TBL1X: variants seen among roughly 807,000 people sequenced by gnomAD.
TBL1X encodes the protein F-box-like/WD repeat-containing protein TBL1X.
A neutral mutation model predicts 50.7 loss-of-function variants in TBL1X; 10 were observed. The ratio of observed to expected loss-of-function variants is 0.20; its 90% confidence interval spans 0.12 to 0.33. TBL1X has a LOEUF of 0.33. TBL1X is among the 10% of genes least tolerant of loss of function. The probability of loss-of-function intolerance (pLI) is 1.00; values close to 1 mark genes in which losing one functional copy is unlikely to be tolerated. For synonymous variants in TBL1X, 190 were observed against 214.7 expected (o/e 0.88, Z 1.01); for missense variants, 340 against 504.4 (o/e 0.67, Z 3.12).
chrX:9,502,835 G>A (rs990800731), intron 2 of TBL1X, among the ~76,000 whole-genome samples: 1 of 112,145 alleles, frequency 8.9e-6, no homozygotes, highest in African/African-American at 3.2e-5. Context: ...CAGCAACAAG[G>A]TGCCATGTTG....
chrX:9,600,473 G>T (rs1200916496), intron 2 of TBL1X, among the ~76,000 whole-genome samples: 1 of 79,623 alleles, frequency 1.3e-5, no homozygotes, highest in Non-Finnish European at 2.3e-5. Flanking sequence ...GGTGGGCGGG[G>T]GGGGGGGTAC....
intron 1 of TBL1X, among the ~76,000 whole-genome samples, chrX:9,493,702 A>C (rs939485647): frequency 9.0e-6 from 1 of 111,256 alleles, no homozygotes; most frequent in Non-Finnish European, 1.9e-5. Flanking sequence ...TCGAGGCTGC[A>C]GTGAGCTGAT....
intron 1 of TBL1X, among the ~76,000 whole-genome samples, chrX:9,493,191 G>C (rs2081956338): frequency 9.0e-6 from 1 of 111,092 alleles, no homozygotes; most frequent in Non-Finnish European, 1.9e-5. Context: ...CTGTGCCTTA[G>C]GGAACAGGAA....
At chrX:9,540,924 A>G (rs986901962) in intron 2 of TBL1X, among the ~76,000 whole-genome samples, 3 of 111,868 alleles carry the variant, frequency 2.7e-5, no homozygotes, top group African/African-American at 9.8e-5. Flanking sequence ...TCAGAGAAGG[A>G]TGCCGCATTC....
intron 2 of TBL1X, among the ~76,000 whole-genome samples, chrX:9,539,365 TG>T (rs2082204187): frequency 9.0e-6 from 1 of 111,386 alleles, no homozygotes; most frequent in Non-Finnish European, 1.9e-5. Context: ...AGAATGAAGT[TG>T]ACCGTATGTA....
intron 11 of TBL1X, among the ~76,000 whole-genome samples, chrX:9,694,469 C>T (rs1389722405): frequency 9.0e-6 from 1 of 111,110 alleles, no homozygotes; most frequent in Non-Finnish European, 1.9e-5. Flanking sequence ...GTGTCGGGTG[C>T]CTGTAATCCC....
At chrX:9,656,036 G>A (rs2082863365) in intron 5 of TBL1X, among the ~76,000 whole-genome samples, 1 of 112,819 alleles carries the variant, frequency 8.9e-6, no homozygotes, top group Non-Finnish European at 1.9e-5. Flanking sequence ...TATATTAGAT[G>A]CCTGTGATTG....
intron 2 of TBL1X, among the ~76,000 whole-genome samples, chrX:9,518,001 A>G (rs1433327421): frequency 9.2e-6 from 1 of 108,182 alleles, no homozygotes; most frequent in Non-Finnish European, 1.9e-5. Context: ...AGCCCCAGCT[A>G]TGCGGGAGGA....
At chrX:9,527,401 C>T (rs2082138076) in intron 2 of TBL1X, among the ~76,000 whole-genome samples, 1 of 111,056 alleles carries the variant, frequency 9.0e-6, no homozygotes, top group Non-Finnish European at 1.9e-5. Context: ...AAGTGATTCA[C>T]CATAATCTCT....
intron 2 of TBL1X, among the ~76,000 whole-genome samples, chrX:9,529,048 G>A (rs1211563340): frequency 9.0e-6 from 1 of 111,616 alleles, no homozygotes; most frequent in Admixed American, 9.5e-5. Context: ...TTCCTGCTTT[G>A]TTTGGGTTTT....
chrX:9,534,439 T>C (rs2082177770), intron 2 of TBL1X, among the ~76,000 whole-genome samples: 1 of 108,960 alleles, frequency 9.2e-6, no homozygotes, highest in South Asian at 4.1e-4. Context: ...TCAGTGTGGC[T>C]TATATATAAT....
intron 2 of TBL1X, among the ~76,000 whole-genome samples, chrX:9,557,381 A>G (rs557522306): frequency 1.8e-5 from 2 of 111,767 alleles, no homozygotes; most frequent in South Asian, 7.5e-4. Flanking sequence ...CAGGGGAAAC[A>G]GGCGGTCAGA....
At position 9,708,724 on chromosome X, in the gene TBL1X, A is replaced by AGG. The variant is rs1569106774; in HGVS notation, c.1237-522_1237-521dup. Among the ~76,000 whole-genome samples the AGG allele has an allele frequency of 3.4e-4, 31 of 91,684 alleles. No homozygotes were observed. The South Asian group carries it at 5.9e-3, about 17-fold the overall frequency. 79.6% of individuals were successfully genotyped at this position (91,684 alleles called of 115,157 possible). On this transcript the variant is annotated intron_variant, in intron 13 of 17. Coordinates refer to ENST00000645353, the MANE Select transcript of TBL1X (RefSeq NM_005647.4). ...ATCCCAAAAAAAAAAAAAAAAAAAA[A>AGG]GGGCATGGTGGTGCCTGCCTGTAGT...
chrX:9,691,367 C>T (rs765669835), intron 7 of TBL1X, among the ~76,000 whole-genome samples: 40 of 101,691 alleles, frequency 3.9e-4, no homozygotes, highest in Admixed American at 9.0e-4. Context: ...ACCTGGGAGA[C>T]GGAGGTTGCA....
chrX:9,478,451 C>G (rs764839674), intron 1 of TBL1X, among the ~76,000 whole-genome samples: 1 of 112,084 alleles, frequency 8.9e-6, no homozygotes, highest in African/African-American at 3.2e-5. Context: ...AAAATTATAA[C>G]AGTATGTTAA....
chrX:9,667,070 T>C (rs894731446), intron 5 of TBL1X, among the ~76,000 whole-genome samples: 1 of 111,724 alleles, frequency 9.0e-6, no homozygotes, highest in Non-Finnish European at 1.9e-5. Flanking sequence ...GAGACCATCC[T>C]GGCTAACATG....
intron 2 of TBL1X, among the ~76,000 whole-genome samples, chrX:9,590,976 A>G (rs2082496871): frequency 1.3e-5 from 1 of 76,256 alleles, no homozygotes; most frequent in African/African-American, 5.3e-5. Context: ...ATCGTTATGC[A>G]GTGTGTATGT....
At chrX:9,546,923 A>G (rs2082246647) in intron 2 of TBL1X, among the ~76,000 whole-genome samples, 1 of 93,978 alleles carries the variant, frequency 1.1e-5, no homozygotes, top group African/African-American at 4.1e-5. Context: ...GGTTCACACC[A>G]TTCTCCTGCC....
At chrX:9,697,957 C>T (rs1479819303) in intron 12 of TBL1X, among the ~76,000 whole-genome samples, 3 of 111,247 alleles carry the variant, frequency 2.7e-5, no homozygotes, top group Non-Finnish European at 1.9e-5. Context: ...TTGTGGTACA[C>T]ACCTCTAGTT....
Sources: allele counts gnomAD v4.1 joint callset (sites outside exome capture counted in the v4.1 genomes callset), GRCh38; gene constraint gnomAD v4.1.1; transcripts MANE v1.5; gene names NCBI Gene and HGNC (gene_info 2026-07-23, HGNC 2026-07-21).